The following UAP1 variants were observed in gnomAD, a reference collection of about 807,000 sequenced individuals.
UAP1 encodes the protein UDP-N-acetylglucosamine pyrophosphorylase 1, also known as UDP-N-acetylhexosamine pyrophosphorylase.
In UAP1, 25 loss-of-function variants were observed where a neutral mutation model predicts 58.5. That is an observed-to-expected ratio of 0.43 (90% confidence interval 0.31 to 0.60). The LOEUF (loss-of-function observed/expected upper bound fraction) is 0.60. Among genes scored for constraint, UAP1 ranks in the 20% least tolerant of loss-of-function variants. The pLI is 0.11. For synonymous variants in UAP1, 208 were observed against 213.0 expected (o/e 0.98, Z 0.21); for missense variants, 575 against 630.0 (o/e 0.91, Z 0.93).
rs182090159 is a variant in UAP1, at chr1:162,575,805, A to G, written c.281-972A>G. Among the ~76,000 whole-genome samples, 10 of 151,240 alleles carry G rather than the reference A, an allele frequency of 6.6e-5. No individual in the cohort carries two copies. In the East Asian group the frequency reaches 7.8e-4, roughly 12 times the overall value. On this transcript the variant is annotated intron_variant, in intron 2 of 10. Transcript: ENST00000271469. ...AACCTCCGCCTTCTGGGTTCAAGCA[A>G]TTCTCCTGTTTCAGCCTACAGGTGT...
chr1:162,577,188 C>T (rs1007379852), intron 3 of UAP1, among the ~76,000 whole-genome samples: 5 of 151,812 alleles, frequency 3.3e-5, no homozygotes, highest in Non-Finnish European at 7.4e-5. Flanking sequence ...ATATACTCAC[C>T]GCCAACTTTT....
Position 162,587,520 on chromosome 1 carries a change from C to T in UAP1, c.880C>T (p.Arg294Ter), listed in dbSNP as rs1654969937. 3.7e-6 allele frequency: 6 copies of T among 1,613,750 alleles called. No individual in the cohort carries two copies. Among genetic ancestry groups the T allele is most frequent in the East Asian group, 2.2e-5 (1 of 44,872 alleles). ...TACAGAACCAGTTGGAGTGGTTTGC[C>T]GAGTGGATGGAGTTTACCAGGTGGT... Residue 294 changes from arginine (R) to a stop codon, truncating the protein, a stop_gained, in exon 6 of 11, where the codon CGA (arginine) becomes TGA (stop). Transcript: ENST00000271469. LOFTEE classifies it high-confidence loss of function.
chr1:162,564,402 T>C (rs1452556000), intron 1 of UAP1, among the ~76,000 whole-genome samples: 2 of 152,248 alleles, frequency 1.3e-5, no homozygotes, highest in Non-Finnish European at 1.5e-5. Context: ...GTATTACTTT[T>C]CACTGTTCTT....
At chr1:162,583,732 A>G (rs75175460) in intron 5 of UAP1, among the ~76,000 whole-genome samples, 32,451 of 152,036 alleles carry the variant, frequency 0.21, 3,756 homozygotes, top group Middle Eastern at 0.3. Context: ...AGGCTCAGCA[A>G]TTCTCCTGCC....
At chr1:162,572,885 T>C (rs906796422) in intron 2 of UAP1, among the ~76,000 whole-genome samples, 2 of 152,234 alleles carry the variant, frequency 1.3e-5, no homozygotes, top group African/African-American at 4.8e-5. Flanking sequence ...ATATGTACTA[T>C]AGTCCTTTTA....
chr1:162,563,195 C>T (rs570032523), intron 1 of UAP1, among the ~76,000 whole-genome samples: 8 of 152,256 alleles, frequency 5.3e-5, no homozygotes, highest in African/African-American at 1.9e-4. Context: ...ATTTTTGTGG[C>T]ATGAAGGTGC....
chr1:162,566,500 T>G (rs1407635073), intron 2 of UAP1, 152 bp downstream of exon 2: 1 of 798,448 alleles, frequency 1.3e-6, no homozygotes, highest in South Asian at 2.1e-5. Flanking sequence ...TTATTTTTGA[T>G]GCTCCATTTA....
At position 162,589,679 on chromosome 1, in the gene UAP1, G is replaced by A. The variant is rs115848431; in HGVS notation, c.1170-644G>A. 3.2e-3 allele frequency among the ~76,000 whole-genome samples: 485 copies of A among 152,146 alleles called. 1 individual carries two copies. Among genetic ancestry groups the A allele is most frequent in the African/African-American group, 0.011 (456 of 41,536 alleles). On this transcript the variant is annotated intron_variant, in intron 7 of 10. Coordinates refer to ENST00000271469, the Ensembl canonical transcript of UAP1. Reference sequence around the variant, plus strand: ...GTGCAAAAATGAGAAAGACAAATAAGCTGTATAAAATTAATGCGTGGTGGC... The same window carrying A: ...GTGCAAAAATGAGAAAGACAAATAAACTGTATAAAATTAATGCGTGGTGGC...
chr1:162,594,991 A>G (rs536019901), intron 9 of UAP1, among the ~76,000 whole-genome samples: 120 of 152,364 alleles, frequency 7.9e-4, no homozygotes, highest in Non-Finnish European at 1.4e-3. Flanking sequence ...GGGAAGAAGC[A>G]ACTAGGAGGT....
Position 162,587,879 on chromosome 1 carries a change from A to T in UAP1, c.1028+211A>T, listed in dbSNP as rs568264222. ...ATCATCGGAGCCCATTCCCCAGCGC[A>T]TTAATGGGAGGCCAAAGCATTTCTC... On this transcript the variant is annotated intron_variant, in intron 6 of 10. Transcript: ENST00000271469. 1.5e-5 allele frequency: 7 copies of T among 474,626 alleles called. No homozygotes were observed. In the East Asian group the frequency reaches 2.3e-4, roughly 15 times the overall value. 29.4% of individuals were successfully genotyped at this position (474,626 alleles called of 1,614,324 possible). A position where few individuals can be genotyped will look rare whatever the true frequency, so the allele number is the denominator to read the frequency against.
chr1:162,565,701 C>T (rs939309592), intron 1 of UAP1, among the ~76,000 whole-genome samples: 4 of 152,132 alleles, frequency 2.6e-5, no homozygotes, highest in Non-Finnish European at 4.4e-5. Context: ...GGGTTCCTGT[C>T]CCAGCTCCAC....
At chr1:162,562,501 G>A (rs926162787) in intron 1 of UAP1, 1 of 151,932 alleles carries the variant, frequency 6.6e-6, no homozygotes, top group East Asian at 1.9e-4. Context: ...CTGAGCACAC[G>A]TATGCTGAAC....
At chr1:162,590,378 G>A in exon 8 of UAP1, 1 of 1,613,636 alleles carries the variant, frequency 6.2e-7, no homozygotes. Flanking sequence ...ACTAAAGAAT[G>A]CTGATAGTCA....
chr1:162,587,820 G>C, intron 6 of UAP1, 152 bp downstream of exon 6: 1 of 773,024 alleles, frequency 1.3e-6, no homozygotes, highest in South Asian at 2.3e-5. Context: ...CTCATGTTGT[G>C]ATTGTTTTTA....
exon 11 of UAP1, chr1:162,599,530 C>G (rs1655815246): frequency 2.2e-6 from 1 of 453,814 alleles, no homozygotes; most frequent in Non-Finnish European, 3.9e-6. Flanking sequence ...ATCCAGATGA[C>G]TGAATTTCAG....
chr1:162,598,116 C>T lies in UAP1; in HGVS notation c.1476+258C>T, dbSNP rs1655717376. Among the ~76,000 whole-genome samples the T allele has an allele frequency of 2.0e-5, 3 of 151,940 alleles. No individual in the cohort carries two copies. In the East Asian group the frequency reaches 5.8e-4, roughly 29 times the overall value. ...GCACAGTGGCTCACTCCTGTAATCCCAGTACTTTGGGAGGCTGAGGCAAGA... is the reference window on the plus strand; with the variant it reads ...GCACAGTGGCTCACTCCTGTAATCCTAGTACTTTGGGAGGCTGAGGCAAGA... On this transcript the variant is annotated intron_variant, in intron 10 of 10. Transcript: ENST00000271469.
At chr1:162,592,831 C>G in intron 9 of UAP1, 49 bp downstream of exon 9, 1 of 1,473,712 alleles carries the variant, frequency 6.8e-7, no homozygotes, top group Non-Finnish European at 9.3e-7. Flanking sequence ...GCTGTGCTTC[C>G]CTCCATACTA....
intron 9 of UAP1, chr1:162,597,435 T>C (rs16863833): frequency 0.25 from 45,319 of 180,618 alleles, 5,851 homozygotes; most frequent in Middle Eastern, 0.29. Flanking sequence ...GCACCTAGCA[T>C]TGGGCTTGGC....
At chr1:162,576,594 A>T (rs1654196370) in intron 2 of UAP1, among the ~76,000 whole-genome samples, 183 bp from the exon 3 acceptor site, 1 of 152,206 alleles carries the variant, frequency 6.6e-6, no homozygotes, top group African/African-American at 2.4e-5. Context: ...AGCAGCAAGC[A>T]GGCTTTGGTC....
Sources: gnomAD v4.1 joint callset for allele counts (sites outside exome capture counted in the v4.1 genomes callset) on GRCh38, gnomAD v4.1.1 for gene constraint, MANE v1.5 for transcripts, NCBI Gene and HGNC (gene_info 2026-07-23, HGNC 2026-07-21) for gene names.